ARHGAP44: variants seen among roughly 807,000 people sequenced by gnomAD.
The protein encoded by ARHGAP44 is rho GTPase-activating protein 44.
A neutral mutation model predicts 106.8 loss-of-function variants in ARHGAP44; 43 were observed. The ratio of observed to expected loss-of-function variants is 0.40; its 90% CI spans 0.32 to 0.52. The LOEUF (loss-of-function observed/expected upper bound fraction) is 0.52, where lower values mean the gene tolerates loss of function less well. Among genes scored for constraint, ARHGAP44 ranks in the 20% least tolerant of loss-of-function variants. The pLI, the probability that ARHGAP44 is intolerant of heterozygous loss-of-function variation, is 0.48. For synonymous variants in ARHGAP44, 439 were observed against 410.3 expected (o/e 1.07, Z -0.85); for missense variants, 866 against 1,050.5 (o/e 0.82, Z 2.43).
chr17:12,958,567 G>A lies in ARHGAP44; in HGVS notation c.1343-150G>A, dbSNP rs908677929. ...GTGTCCCCCTTTTTGGCCTGTTAAT[G>A]TGATGCATTATATTAATAAGGTGAA... On this transcript the variant is annotated intron_variant, in intron 15 of 20. Transcript: ENST00000379672. The surrounding 1 kb of genome is among the most constrained non-coding windows in gnomAD (Gnocchi z 4.1). 7.2e-6 allele frequency: 5 copies of A among 699,014 alleles called. No homozygotes were observed. Among genetic ancestry groups the A allele is most frequent in the South Asian group, 1.9e-5 (1 of 52,464 alleles). The allele number at this position is 699,014 out of a possible 1,614,324, so 43.3% of individuals were successfully genotyped here. A position where few individuals can be genotyped will look rare whatever the true frequency, so the allele number is the denominator to read the frequency against.
At chr17:12,802,927 TTATATATATATATA>T (rs1159214788) in intron 1 of ARHGAP44, among the ~76,000 whole-genome samples, 88 of 29,226 alleles carry the variant, frequency 3.0e-3, no homozygotes, top group East Asian at 0.015. Flanking sequence ...CCTGGCTAAT[TTATATATATATATA>T]TATATATATA....
chr17:12,828,014 G>C (rs1196179809), intron 1 of ARHGAP44, among the ~76,000 whole-genome samples: 3 of 136,778 alleles, frequency 2.2e-5, no homozygotes, highest in Non-Finnish European at 4.6e-5. Context: ...TCCAGCCTGG[G>C]TGACTGGCCA....
chr17:12,984,251 G>A (rs933169660), intron 19 of ARHGAP44, among the ~76,000 whole-genome samples: 1 of 152,122 alleles, frequency 6.6e-6, no homozygotes, highest in East Asian at 1.9e-4. Context: ...GGCTGGGTGT[G>A]CGTGTGTAGA....
rs550348475 is a variant in ARHGAP44, at chr17:12,960,422, C to T, written c.1523+1525C>T. ...CTCTACTAAAAATACAAAAACCAGCCGGGAGTGGTGGCACGCACTTGTAAT... is the reference window on the plus strand; with the variant it reads ...CTCTACTAAAAATACAAAAACCAGCTGGGAGTGGTGGCACGCACTTGTAAT... On this transcript the variant is annotated intron_variant, in intron 16 of 20. Coordinates refer to ENST00000379672, the MANE Select transcript of ARHGAP44 (RefSeq NM_014859.6). 2.8e-3 allele frequency among the ~76,000 whole-genome samples: 428 copies of T among 152,034 alleles called. 2 individuals are homozygous for T. Among genetic ancestry groups the T allele is most frequent in the Middle Eastern group, 6.8e-3 (2 of 294 alleles).
Position 12,789,573 on chromosome 17 carries a change from G to A in ARHGAP44, c.-266G>A, listed in dbSNP as rs539390917. ...CAGGCAGCCCGGGCGGAGCGGGCCG[G>A]TGCCGAGGACGGCCCCAGGCATTGC... On this transcript the variant is annotated 5_prime_UTR_variant, in exon 1 of 21. In the 5' UTR this introduces an upstream ATG that the reference lacks. Transcript: ENST00000379672. 4 of 248,904 alleles carry A rather than the reference G, an allele frequency of 1.6e-5. No individual in the cohort carries two copies. The highest frequency in any genetic ancestry group is 2.3e-5 in the Non-Finnish European group (3 of 130,764). The allele number at this position is 248,904 out of a possible 1,614,324, so 15.4% of individuals were successfully genotyped here.
intron 1 of ARHGAP44, among the ~76,000 whole-genome samples, chr17:12,846,533 G>C (rs886794363): frequency 6.6e-6 from 1 of 152,182 alleles, no homozygotes; most frequent in African/African-American, 2.4e-5. Context: ...TCATTACACT[G>C]ATACATTGTA....
chr17:12,969,620 A>G (rs369796640), intron 16 of ARHGAP44, among the ~76,000 whole-genome samples: 77 of 152,318 alleles, frequency 5.1e-4, no homozygotes, highest in Non-Finnish European at 4.1e-4. Flanking sequence ...CCCAAAAAAC[A>G]CAAGCCAGAT....
At chr17:12,957,111 A>G (rs1598115918) in intron 15 of ARHGAP44, among the ~76,000 whole-genome samples, 2 of 152,140 alleles carry the variant, frequency 1.3e-5, no homozygotes, top group African/African-American at 4.8e-5. Context: ...GGCATGCACC[A>G]CCACGCCCGA....
chr17:12,841,303 C>T (rs1221013808), intron 1 of ARHGAP44, among the ~76,000 whole-genome samples: 1 of 151,998 alleles, frequency 6.6e-6, no homozygotes, highest in African/African-American at 2.4e-5. Flanking sequence ...TCCTCAATAC[C>T]TAGTCTTTGG....
At chr17:12,989,920 C>G (rs2040076395) in intron 20 of ARHGAP44, 112 bp from the exon 21 acceptor site, 2 of 1,448,080 alleles carry the variant, frequency 1.4e-6, no homozygotes, top group Non-Finnish European at 1.9e-6. Flanking sequence ...AATGATCTAT[C>G]CCTAGAATAG....
intron 1 of ARHGAP44, among the ~76,000 whole-genome samples, chr17:12,813,706 G>A (rs1290903703): frequency 6.6e-6 from 1 of 151,610 alleles, no homozygotes; most frequent in Non-Finnish European, 1.5e-5. Flanking sequence ...ACCACACAAA[G>A]AGAGTGTATC....
chr17:12,860,630 CT>C (rs1419445529), intron 1 of ARHGAP44, among the ~76,000 whole-genome samples: 4 of 152,024 alleles, frequency 2.6e-5, no homozygotes, highest in Non-Finnish European at 5.9e-5. Flanking sequence ...GATTGGATAT[CT>C]TTTTTATTTT....
intron 4 of ARHGAP44, among the ~76,000 whole-genome samples, chr17:12,910,605 C>T (rs994693352): frequency 4.6e-5 from 7 of 151,664 alleles, no homozygotes; most frequent in Admixed American, 1.3e-4. Context: ...GCCACCACGC[C>T]GGGCTAATTT....
At chr17:12,873,790 G>A (rs2036468598) in intron 1 of ARHGAP44, among the ~76,000 whole-genome samples, 1 of 152,034 alleles carries the variant, frequency 6.6e-6, no homozygotes, top group South Asian at 2.1e-4. Context: ...CCCAGCTACT[G>A]GGGAGGCTGA....
intron 16 of ARHGAP44, among the ~76,000 whole-genome samples, chr17:12,971,211 C>A (rs987122031): frequency 1.2e-4 from 18 of 152,120 alleles, no homozygotes; most frequent in Non-Finnish European, 2.1e-4. Flanking sequence ...CCAGTACCTA[C>A]CCCATGCCCA....
rs186360782 is a variant in ARHGAP44 at position 12,791,691 on chromosome 17, G to A, written c.53+1800G>A. On this transcript the variant is annotated intron_variant, in intron 1 of 20. Coordinates refer to ENST00000379672, the MANE Select transcript of ARHGAP44 (RefSeq NM_014859.6). ...ATCCATGGGGGGAATGCAAAATGGT[G>A]AGGGGAGGTTGGATTTCAGAAAAAG... 2.6e-3 allele frequency among the ~76,000 whole-genome samples: 396 copies of A among 152,290 alleles called. 2 individuals are homozygous for A. The highest frequency in any genetic ancestry group is 9.1e-3 in the African/African-American group (377 of 41,556).
intron 5 of ARHGAP44, 95 bp from the exon 6 acceptor site, chr17:12,919,660 A>G (rs578119688): frequency 3.1e-5 from 32 of 1,041,320 alleles, no homozygotes; most frequent in Non-Finnish European, 4.4e-5. Flanking sequence ...TGCTGGGATT[A>G]GAGGCATGAG....
chr17:12,899,059 C>T (rs7218144), intron 3 of ARHGAP44, among the ~76,000 whole-genome samples: 21,981 of 152,078 alleles, frequency 0.14, 2,453 homozygotes, highest in East Asian at 0.34. Context: ...CAACCTCCAC[C>T]TCCCAGGTTC....
intron 1 of ARHGAP44, among the ~76,000 whole-genome samples, chr17:12,829,549 C>T (rs886213436): frequency 1.3e-5 from 2 of 152,140 alleles, no homozygotes; most frequent in Non-Finnish European, 1.5e-5. Flanking sequence ...CTCAATTGTA[C>T]ATAGAACCCA....
Sources: gnomAD v4.1 joint callset for allele counts (sites outside exome capture counted in the v4.1 genomes callset) on GRCh38, gnomAD v4.1.1 for gene constraint, Gnocchi (gnomAD v3.1) non-coding constraint, MANE v1.5 for transcripts, NCBI Gene and HGNC (gene_info 2026-07-23, HGNC 2026-07-21) for gene names.